Variants in PRTG observed in about 807,000 individuals in gnomAD.
PRTG encodes immunoglobulin superfamily, DCC subclass, member 5.
A neutral mutation model predicts 122.5 loss-of-function variants in PRTG; 67 were observed. That is an observed-to-expected ratio of 0.55 (90% CI 0.45 to 0.67). PRTG has a LOEUF of 0.67. Ranked by LOEUF, PRTG falls within the 30% of genes least tolerant of loss-of-function variation. The pLI, the probability that PRTG is intolerant of heterozygous loss-of-function variation, is 0.00. For missense variants in PRTG, 1,435 were observed against 1,415.4 expected, an observed-to-expected ratio of 1.01 and a Z score of -0.22; for synonymous variants, 554 against 501.1, an observed-to-expected ratio of 1.11 and a Z score of -1.41.
intron 2 of PRTG, among the ~76,000 whole-genome samples, chr15:55,694,906 G>A (rs1167718642): frequency 2.0e-5 from 3 of 152,092 alleles, no homozygotes; most frequent in African/African-American, 4.8e-5. Context: ...TCCCTCCACA[G>A]TCAGTGTTAA....
chr15:55,726,820 A>G (rs2031048613), intron 2 of PRTG, among the ~76,000 whole-genome samples: 3 of 151,914 alleles, frequency 2.0e-5, no homozygotes, highest in Non-Finnish European at 4.4e-5. Context: ...ACTTTGGAAC[A>G]AATGAAAATG....
At chr15:55,622,888 A>G (rs2059174807) in intron 18 of PRTG, among the ~76,000 whole-genome samples, 1 of 152,166 alleles carries the variant, frequency 6.6e-6, no homozygotes, top group Non-Finnish European at 1.5e-5. Context: ...AATGTTTTAG[A>G]TCAATTTGAA....
intron 16 of PRTG, among the ~76,000 whole-genome samples, chr15:55,627,575 C>T (rs1009044573): frequency 6.7e-6 from 1 of 149,940 alleles, no homozygotes; most frequent in African/African-American, 2.5e-5. Context: ...CTCCTGACCT[C>T]GTGATCCGCT....
At chr15:55,695,879 G>A (rs1398643008) in intron 2 of PRTG, among the ~76,000 whole-genome samples, 1 of 152,184 alleles carries the variant, frequency 6.6e-6, no homozygotes, top group Non-Finnish European at 1.5e-5. Context: ...GCTGAGGCAG[G>A]AGGATCACTT....
chr15:55,642,858 G>T (rs7175330), intron 11 of PRTG, among the ~76,000 whole-genome samples: 1 of 152,074 alleles, frequency 6.6e-6, no homozygotes, highest in Non-Finnish European at 1.5e-5. Flanking sequence ...GGAAGTAGAG[G>T]ACAGGAGTTT....
intron 2 of PRTG, among the ~76,000 whole-genome samples, chr15:55,695,050 G>T (rs1235674831): frequency 2.0e-5 from 3 of 152,178 alleles, no homozygotes; most frequent in African/African-American, 7.2e-5. Context: ...CACAATAAAT[G>T]TAAGTGCCTA....
intron 6 of PRTG, 151 bp downstream of exon 6, chr15:55,679,903 T>A: frequency 1.6e-6 from 1 of 630,216 alleles, no homozygotes; most frequent in Non-Finnish European, 2.7e-6. Flanking sequence ...TATTTTAACA[T>A]AAATATTTGT....
chr15:55,665,136 T>C (rs969078418), intron 11 of PRTG, among the ~76,000 whole-genome samples: 6 of 151,958 alleles, frequency 3.9e-5, no homozygotes, highest in African/African-American at 1.2e-4. Context: ...GGCCGGTGCC[T>C]GTAGTCCCAG....
intron 2 of PRTG, among the ~76,000 whole-genome samples, chr15:55,708,658 C>T (rs1375196522): frequency 6.6e-6 from 1 of 152,080 alleles, no homozygotes. Context: ...CAAATCACTG[C>T]TGTACTAATC....
At chr15:55,670,309 C>T (rs1216900268) in intron 11 of PRTG, among the ~76,000 whole-genome samples, 4 of 152,060 alleles carry the variant, frequency 2.6e-5, no homozygotes, top group African/African-American at 4.8e-5. Flanking sequence ...TAAGAGCATG[C>T]TAATAATGTA....
chr15:55,738,880 GAA>G (rs2031522168), intron 2 of PRTG, among the ~76,000 whole-genome samples: 1 of 127,414 alleles, frequency 7.8e-6, no homozygotes, highest in Non-Finnish European at 1.6e-5. Flanking sequence ...GGGACAGGAG[GAA>G]AAGACAGAGG....
intron 11 of PRTG, among the ~76,000 whole-genome samples, chr15:55,651,889 G>A (rs1253790623): frequency 6.6e-6 from 1 of 152,108 alleles, no homozygotes; most frequent in African/African-American, 2.4e-5. Context: ...CTCTGGTGAA[G>A]ACTTAGAGAG....
At chr15:55,726,556 C>T (rs2031037235) in intron 2 of PRTG, among the ~76,000 whole-genome samples, 2 of 150,754 alleles carry the variant, frequency 1.3e-5, no homozygotes, top group African/African-American at 4.9e-5. Context: ...TGCTTGAACC[C>T]GGGAGGTGGA....
intron 2 of PRTG, among the ~76,000 whole-genome samples, chr15:55,737,108 CTT>C (rs2031436055): frequency 6.6e-6 from 1 of 152,088 alleles, no homozygotes; most frequent in Admixed American, 6.6e-5. Context: ...ATAACAAAGA[CTT>C]AGTACCCATG....
rs1340615871 is a variant in PRTG at position 55,672,383 on chromosome 15, CT to C, written c.2041+61del. ...AGTTCTCCTGCTTTAGATCCAATAA[CT>C]TTTTTCGCAGTTTGTCAGAGAGGAA... On this transcript the variant is annotated intron_variant, in intron 11 of 19. Transcript: ENST00000389286. 2.9e-6 allele frequency: 4 copies of C among 1,364,382 alleles called. No homozygotes were observed. The African/African-American group carries it at 4.4e-5, about 15-fold the overall frequency. 84.5% of individuals were successfully genotyped at this position (1,364,382 alleles called of 1,614,324 possible). A position where few individuals can be genotyped will look rare whatever the true frequency, so the allele number is the denominator to read the frequency against.
chr15:55,667,207 GAAA>G (rs34815542), intron 11 of PRTG, among the ~76,000 whole-genome samples: 32 of 143,962 alleles, frequency 2.2e-4, no homozygotes, highest in African/African-American at 5.6e-4. Flanking sequence ...AATAATTTAA[GAAA>G]AAAAAAAAAA....
At chr15:55,665,017 G>A (rs1476084748) in intron 11 of PRTG, among the ~76,000 whole-genome samples, 1 of 152,020 alleles carries the variant, frequency 6.6e-6, no homozygotes, top group African/African-American at 2.4e-5. Flanking sequence ...CCAGCACTTT[G>A]GGAGGCCGAG....
At chr15:55,731,978 G>A (rs1347951926) in intron 2 of PRTG, among the ~76,000 whole-genome samples, 6 of 152,096 alleles carry the variant, frequency 3.9e-5, no homozygotes, top group East Asian at 1.9e-4. Context: ...CAGCTATATC[G>A]CTCCTAGGCT....
chr15:55,709,564 C>CA (rs1323932015), intron 2 of PRTG, among the ~76,000 whole-genome samples: 1 of 151,876 alleles, frequency 6.6e-6, no homozygotes, highest in Non-Finnish European at 1.5e-5. Context: ...ATAGTTTACA[C>CA]AATGACTTAT....
Sources: gnomAD v4.1 joint callset for allele counts (sites outside exome capture counted in the v4.1 genomes callset) on GRCh38, gnomAD v4.1.1 for gene constraint, MANE v1.5 for transcripts, NCBI Gene and HGNC (gene_info 2026-07-23, HGNC 2026-07-21) for gene names.